DNAAF9: variants seen among roughly 807,000 people sequenced by gnomAD.
The protein encoded by DNAAF9 is shulin.
In DNAAF9, 90 loss-of-function variants were observed where a neutral mutation model predicts 167.0. The ratio of observed to expected loss-of-function variants is 0.54; its 90% confidence interval spans 0.45 to 0.64. DNAAF9 has a LOEUF of 0.64. Ranked by LOEUF, DNAAF9 falls within the 30% of genes least tolerant of loss-of-function variation. The probability of loss-of-function intolerance (pLI) is 0.00; values close to 1 mark genes in which losing one functional copy is unlikely to be tolerated. For synonymous variants in DNAAF9, 491 were observed against 508.8 expected (o/e 0.96, Z 0.47); for missense variants, 1,315 against 1,442.2 (o/e 0.91, Z 1.43).
chr20:3,271,625 CT>C (rs199597627), intron 29 of DNAAF9, among the ~76,000 whole-genome samples: 161 of 113,048 alleles, frequency 1.4e-3, no homozygotes, highest in Admixed American at 1.6e-3. Context: ...TTTACTTCTT[CT>C]TTTTTTTTTT....
intron 27 of DNAAF9, among the ~76,000 whole-genome samples, chr20:3,283,134 G>A (rs1245933520): frequency 6.6e-6 from 1 of 151,024 alleles, no homozygotes; most frequent in African/African-American, 2.5e-5. Flanking sequence ...CCTTGTAGAG[G>A]AGAACTCTTT....
intron 29 of DNAAF9, among the ~76,000 whole-genome samples, chr20:3,276,682 G>A (rs374701353): frequency 5.3e-5 from 8 of 152,172 alleles, no homozygotes; most frequent in African/African-American, 1.9e-4. Flanking sequence ...AAAAAGAAGA[G>A]GGACACTGAG....
intron 27 of DNAAF9, among the ~76,000 whole-genome samples, chr20:3,286,298 A>T (rs922489638): frequency 1.3e-5 from 2 of 152,226 alleles, no homozygotes; most frequent in African/African-American, 4.8e-5. Context: ...GTCTGGTCAC[A>T]CTGTCACTGT....
intron 30 of DNAAF9, among the ~76,000 whole-genome samples, chr20:3,268,881 TAATATCTC>T (rs2068535817): frequency 6.7e-6 from 1 of 149,558 alleles, no homozygotes; most frequent in Admixed American, 6.7e-5. Flanking sequence ...AGTAAAGAGA[TAATATCTC>T]TATGTTACTT....
intron 9 of DNAAF9, among the ~76,000 whole-genome samples, chr20:3,341,680 T>C (rs1200814119): frequency 6.6e-6 from 1 of 152,222 alleles, no homozygotes; most frequent in Non-Finnish European, 1.5e-5. Flanking sequence ...CATGCTGCCA[T>C]GATTTCTTCC....
chr20:3,263,592 C>T (rs1280093441), intron 31 of DNAAF9, among the ~76,000 whole-genome samples: 2 of 152,304 alleles, frequency 1.3e-5, no homozygotes, highest in Admixed American at 6.5e-5. Flanking sequence ...GCCCCTGGTA[C>T]CTTATCTGTA....
In DNAAF9 at chr20:3,336,258, G is replaced by GTTTTT. The variant is rs367718705; in HGVS notation, c.982-3902_982-3898dup. Among the ~76,000 whole-genome samples the GTTTTT allele has an allele frequency of 1.1e-4, 13 of 113,564 alleles. 1 individual carries two copies. The highest frequency in any genetic ancestry group is 2.4e-4 in the African/African-American group (7 of 29,274). The allele number at this position is 113,564 out of a possible 152,430, so 74.5% of individuals were successfully genotyped here. A position where few individuals can be genotyped will look rare whatever the true frequency, so the allele number is the denominator to read the frequency against. ...TGCAGATTCACAGTTTTGCGTTTTTGTTTTTTTTTTTTTTTTTGCCAAATT... is the reference window on the plus strand; with the variant it reads ...TGCAGATTCACAGTTTTGCGTTTTTGTTTTTTTTTTTTTTTTTTTTTTGCCAAATT... On this transcript the variant is annotated intron_variant, in intron 10 of 36. Coordinates refer to ENST00000252032, the MANE Select transcript of DNAAF9 (RefSeq NM_001009984.3).
chr20:3,309,990 T>C (rs931942330), intron 20 of DNAAF9, among the ~76,000 whole-genome samples: 45 of 152,078 alleles, frequency 3.0e-4, no homozygotes, highest in African/African-American at 9.9e-4. Context: ...GTCGGGAGAT[T>C]GAGACCAGCC....
intron 27 of DNAAF9, among the ~76,000 whole-genome samples, chr20:3,285,657 C>T (rs2236095): frequency 0.26 from 37,590 of 141,890 alleles, 5,108 homozygotes; most frequent in East Asian, 0.38. Context: ...CCAGCCTGGA[C>T]GACAGAGTGA....
intron 3 of DNAAF9, among the ~76,000 whole-genome samples, chr20:3,379,159 C>A (rs573851002): frequency 6.6e-6 from 1 of 151,870 alleles, no homozygotes; most frequent in East Asian, 1.9e-4. Context: ...AATTAGGATC[C>A]CGTAAGAGAC....
intron 28 of DNAAF9, among the ~76,000 whole-genome samples, chr20:3,281,361 CAT>C (rs2068761388): frequency 2.6e-5 from 4 of 152,182 alleles, no homozygotes; most frequent in Admixed American, 1.3e-4. Flanking sequence ...TTAGTACACA[CAT>C]GTTGGAGCAC....
intron 1 of DNAAF9, among the ~76,000 whole-genome samples, chr20:3,393,667 T>C (rs796412490): frequency 5.9e-5 from 9 of 152,372 alleles, no homozygotes; most frequent in Non-Finnish European, 1.3e-4. Context: ...ACCTTTTATG[T>C]CCATCTTTGG....
At chr20:3,309,355 C>T (rs2069361970) in intron 20 of DNAAF9, among the ~76,000 whole-genome samples, 1 of 152,116 alleles carries the variant, frequency 6.6e-6, no homozygotes, top group Admixed American at 6.5e-5. Context: ...TCTCAGCCTC[C>T]AGACTGTGAG....
intron 7 of DNAAF9, among the ~76,000 whole-genome samples, chr20:3,352,303 G>C (rs149577749): frequency 1.3e-5 from 2 of 152,088 alleles, no homozygotes; most frequent in Non-Finnish European, 2.9e-5. Context: ...ATCCTTTTGG[G>C]TCTGGGTTTC....
At chr20:3,297,824 C>T (rs2069108260) in intron 22 of DNAAF9, among the ~76,000 whole-genome samples, 1 of 152,140 alleles carries the variant, frequency 6.6e-6, no homozygotes, top group African/African-American at 2.4e-5. Flanking sequence ...CCCTCTTGTT[C>T]AGTTTCTTCC....
rs749734584 is a variant in DNAAF9 at position 3,278,947 on chromosome 20, A to C, written c.2615T>G (p.Phe872Cys). The C allele has an allele frequency of 6.3e-7, 1 of 1,595,950 alleles. No individual in the cohort carries two copies. Among genetic ancestry groups the C allele is most frequent in the East Asian group, 2.2e-5 (1 of 44,804 alleles). ...CTGGTCAAGACATTTAGGAAAGAGA[A>C]ATCTAGGGGGAAAAAAGGGGGAAAT... Reference protein sequence around the residue: ...EPMSCYMEHRFLFPKCLDQCS... With the variant: ...EPMSCYMEHRCLFPKCLDQCS... The change falls in exon 29 of 37, where the codon TTT becomes TGT. Residue 872 changes from phenylalanine to cysteine, a missense_variant and splice_region_variant. Transcript: ENST00000252032.
rs1386985740 is a variant in DNAAF9 at position 3,382,514 on chromosome 20, A to G, written c.84-8T>C. The G allele has an allele frequency of 1.9e-6, 3 of 1,612,754 alleles. No homozygotes were observed. Among genetic ancestry groups the G allele is most frequent in the Non-Finnish European group, 2.5e-6 (3 of 1,178,936 alleles). On this transcript the variant is annotated splice_polypyrimidine_tract_variant and splice_region_variant and intron_variant, in intron 1 of 36. Transcript: ENST00000252032. The stretch of plus-strand genomic sequence containing the variant: ...TGCCGAAGTCGACTGCAGCTGCAAC[A>G]AGAACAGAAAATGGTCCCCTGAGTG...
At chr20:3,375,182 C>T in intron 4 of DNAAF9, 56 bp from the exon 5 acceptor site, 1 of 1,043,986 alleles carries the variant, frequency 9.6e-7, no homozygotes, top group Non-Finnish European at 1.5e-6. Flanking sequence ...CACAAATTCC[C>T]ATATTTTCTC....
intron 30 of DNAAF9, among the ~76,000 whole-genome samples, chr20:3,266,524 C>G (rs1017152567): frequency 6.6e-6 from 1 of 152,206 alleles, no homozygotes; most frequent in Non-Finnish European, 1.5e-5. Flanking sequence ...GTTGCCCAGG[C>G]TGGAGTGCAG....
Sources: gnomAD v4.1 joint callset for allele counts (sites outside exome capture counted in the v4.1 genomes callset) on GRCh38, gnomAD v4.1.1 for gene constraint, MANE v1.5 for transcripts, NCBI Gene and HGNC (gene_info 2026-07-23, HGNC 2026-07-21) for gene names.